The following RIPOR2 variants were observed in gnomAD, a reference collection of about 807,000 sequenced individuals.
RIPOR2 encodes rho family-interacting cell polarization regulator 2.
RIPOR2 carries 39 observed loss-of-function variants against 114.5 expected under a neutral mutation model. That is an observed-to-expected ratio of 0.34 (90% CI 0.26 to 0.44). RIPOR2 has a LOEUF of 0.44. Among genes scored for constraint, RIPOR2 ranks in the 20% least tolerant of loss-of-function variants. RIPOR2 has a pLI of 1.00. For synonymous variants in RIPOR2, 445 were observed against 484.4 expected (o/e 0.92, Z 1.07); for missense variants, 1,007 against 1,255.1 (o/e 0.80, Z 2.99).
chr6:24,838,441 C>T (rs1406976179), intron 14 of RIPOR2, among the ~76,000 whole-genome samples: 1 of 152,138 alleles, frequency 6.6e-6, no homozygotes, highest in Non-Finnish European at 1.5e-5. Context: ...AATGTGTATA[C>T]CTAGTTAATT....
In RIPOR2 at chr6:24,869,273, C is replaced by T. The variant is rs1400730899; in HGVS notation, c.448-126G>A. 4 of 534,482 alleles carry T rather than the reference C, an allele frequency of 7.5e-6. No individual in the cohort carries two copies. In the Admixed American group the frequency reaches 1.0e-4, roughly 14 times the overall value. 33.1% of individuals were successfully genotyped at this position (534,482 alleles called of 1,614,324 possible). On this transcript the variant is annotated intron_variant, in intron 5 of 21. Coordinates refer to ENST00000643898, the MANE Select transcript of RIPOR2 (RefSeq NM_001286445.3). The stretch of plus-strand genomic sequence containing the variant: ...AATCCAATATATTTCCCCTTTCCTT[C>T]TATCTTTGAAGCTATTTTAGAGATT...
At chr6:24,955,997 G>A (rs560263754) in intron 1 of RIPOR2, among the ~76,000 whole-genome samples, 1 of 118,684 alleles carries the variant, frequency 8.4e-6, no homozygotes, top group South Asian at 2.9e-4. Context: ...GCGACAGAGT[G>A]AGACTCTGTC....
chr6:24,921,479 T>C (rs1243128205), intron 1 of RIPOR2, among the ~76,000 whole-genome samples: 2 of 152,004 alleles, frequency 1.3e-5, no homozygotes, highest in Non-Finnish European at 2.9e-5. Context: ...TCTTCTACCA[T>C]TCTCTGCCTT....
intron 7 of RIPOR2, among the ~76,000 whole-genome samples, chr6:24,861,260 G>A (rs1473620562): frequency 6.6e-6 from 1 of 152,122 alleles, no homozygotes; most frequent in Admixed American, 6.6e-5. Context: ...GAGCAAGTCA[G>A]ATTATATCAA....
intron 19 of RIPOR2, among the ~76,000 whole-genome samples, chr6:24,821,097 T>C (rs1396912153): frequency 6.6e-6 from 1 of 151,954 alleles, no homozygotes; most frequent in Non-Finnish European, 1.5e-5. Flanking sequence ...GGTCTTGAAC[T>C]CCTGACCTCA....
At chr6:24,928,009 G>T (rs528700564) in intron 1 of RIPOR2, among the ~76,000 whole-genome samples, 1 of 152,224 alleles carries the variant, frequency 6.6e-6, no homozygotes, top group African/African-American at 2.4e-5. Context: ...AGAGCAACAC[G>T]TGATTTTTTA....
intron 1 of RIPOR2, among the ~76,000 whole-genome samples, chr6:24,965,962 T>C (rs1773510586): frequency 6.6e-6 from 1 of 151,910 alleles, no homozygotes; most frequent in Non-Finnish European, 1.5e-5. Flanking sequence ...GGATCTCAGA[T>C]GATCACAACA....
At chr6:24,829,835 G>C (rs1196807542) in intron 17 of RIPOR2, among the ~76,000 whole-genome samples, 3 of 152,132 alleles carry the variant, frequency 2.0e-5, no homozygotes, top group Non-Finnish European at 4.4e-5. Context: ...TCCAACGGTA[G>C]GGGGTATATT....
chr6:24,893,497 G>A (rs1767565646), intron 1 of RIPOR2, among the ~76,000 whole-genome samples: 1 of 152,212 alleles, frequency 6.6e-6, no homozygotes, highest in Non-Finnish European at 1.5e-5. Flanking sequence ...AGATAAAGAT[G>A]AGGCCATGAG....
intron 12 of RIPOR2, among the ~76,000 whole-genome samples, chr6:24,845,487 A>T (rs1186422296): frequency 6.6e-6 from 1 of 152,132 alleles, no homozygotes; most frequent in Non-Finnish European, 1.5e-5. Flanking sequence ...GGCAGCACAG[A>T]GGGAGGTGGG....
intron 19 of RIPOR2, among the ~76,000 whole-genome samples, chr6:24,822,268 AT>A (rs1191218563): frequency 1.3e-5 from 2 of 152,184 alleles, no homozygotes; most frequent in Non-Finnish European, 2.9e-5. Context: ...ATTTAGTTTG[AT>A]TATGTTGGTG....
At chr6:25,012,469 C>T (rs1403105362) in intron 1 of RIPOR2, among the ~76,000 whole-genome samples, 4 of 152,164 alleles carry the variant, frequency 2.6e-5, no homozygotes, top group South Asian at 2.1e-4. Context: ...AAAGAAACAA[C>T]CTAAATGTCC....
At chr6:24,889,118 C>T (rs1231755470) in intron 1 of RIPOR2, among the ~76,000 whole-genome samples, 4 of 152,154 alleles carry the variant, frequency 2.6e-5, no homozygotes, top group East Asian at 1.9e-4. Context: ...TAAAGTGCTG[C>T]TCCTAGGGGC....
At chr6:24,823,528 G>A (rs1464661644) in intron 19 of RIPOR2, among the ~76,000 whole-genome samples, 1 of 152,160 alleles carries the variant, frequency 6.6e-6, no homozygotes, top group African/African-American at 2.4e-5. Flanking sequence ...CAAGGGTAAG[G>A]ACTGCTTTTC....
intron 1 of RIPOR2, among the ~76,000 whole-genome samples, chr6:24,935,320 CAAA>C (rs976245217): frequency 1.8e-4 from 4 of 21,842 alleles, no homozygotes; most frequent in Non-Finnish European, 3.4e-4. Context: ...AAAACAACAA[CAAA>C]AAAAAAAAAA....
upstream of RIPOR2, among the ~76,000 whole-genome samples, chr6:24,937,234 A>G (rs1304082226): frequency 6.6e-6 from 1 of 152,180 alleles, no homozygotes; most frequent in East Asian, 1.9e-4. Context: ...AACCATCCTT[A>G]GAGGAGAGCT....
chr6:24,844,331 T>C (rs1219279229), intron 12 of RIPOR2, among the ~76,000 whole-genome samples: 1 of 149,022 alleles, frequency 6.7e-6, no homozygotes, highest in Non-Finnish European at 1.5e-5. Flanking sequence ...GTAACCAAGA[T>C]CATTCATTTA....
intron 10 of RIPOR2, among the ~76,000 whole-genome samples, 182 bp downstream of exon 10, chr6:24,850,415 A>G (rs1247164284): frequency 6.6e-6 from 1 of 152,134 alleles, no homozygotes; most frequent in Non-Finnish European, 1.5e-5. Flanking sequence ...TGGATATTTC[A>G]AAAGTGTATC....
At chr6:24,962,371 T>C (rs2114223231) in intron 1 of RIPOR2, among the ~76,000 whole-genome samples, 1 of 152,244 alleles carries the variant, frequency 6.6e-6, no homozygotes, top group East Asian at 1.9e-4. Context: ...TGACATAAAT[T>C]ATGGTTTGGG....
Sources: gnomAD v4.1 joint callset for allele counts (sites outside exome capture counted in the v4.1 genomes callset) on GRCh38, gnomAD v4.1.1 for gene constraint, MANE v1.5 for transcripts, NCBI Gene and HGNC (gene_info 2026-07-23, HGNC 2026-07-21) for gene names.